The following H2BC5 variants were observed in gnomAD, a reference collection of about 807,000 sequenced individuals.
The protein encoded by H2BC5 is histone H2B type 1-D.
Under a neutral mutation model 5.7 loss-of-function variants are expected in H2BC5, and 9 were observed. The ratio of observed to expected loss-of-function variants is 1.57; its 90% CI spans 0.95 to 2.74. The LOEUF (loss-of-function observed/expected upper bound fraction) is 2.74. H2BC5 is among the 30% of genes most tolerant of loss of function. The pLI, the probability that H2BC5 is intolerant of heterozygous loss-of-function variation, is 0.00. For missense variants in H2BC5, 175 were observed against 168.8 expected (o/e 1.04, Z -0.20); for synonymous variants, 133 against 70.9 (o/e 1.88, Z -4.40).
downstream of H2BC5, chr6:26,160,884 C>T (rs1398817096): frequency 4.5e-5 from 6 of 133,628 alleles, no homozygotes; most frequent in Non-Finnish European, 9.7e-5. Context: ...AAAAAAAAAA[C>T]AGACTCGAAT....
downstream of H2BC5, chr6:26,160,868 CA>C (rs375947771): frequency 0.3 from 29,358 of 99,298 alleles, 2,969 homozygotes; most frequent in Middle Eastern, 0.32. Context: ...GACTCTGTCT[CA>C]AAAAAAAAAA....
At chr6:26,168,372 C>T (rs556556644) in intron 1 of H2BC5, among the ~76,000 whole-genome samples, 19 of 151,832 alleles carry the variant, frequency 1.3e-4, no homozygotes, top group Admixed American at 8.5e-4. Flanking sequence ...GTAGGAGAAT[C>T]GCTTGAACCC....
At chr6:26,167,775 C>T (rs1347417717) in intron 1 of H2BC5, among the ~76,000 whole-genome samples, 1 of 151,918 alleles carries the variant, frequency 6.6e-6, no homozygotes, top group Non-Finnish European at 1.5e-5. Context: ...GAACTCAGAG[C>T]TATTTCTCAT....
downstream of H2BC5, chr6:26,163,341 C>T (rs1473592718): frequency 2.0e-5 from 3 of 152,112 alleles, no homozygotes; most frequent in East Asian, 5.8e-4. Flanking sequence ...ATTATGGTAG[C>T]TCTATAAGCT....
At chr6:26,164,054 C>G (rs969806427) in intron 1 of H2BC5, 20 of 457,712 alleles carry the variant, frequency 4.4e-5, no homozygotes, top group African/African-American at 3.4e-4. Context: ...ATTCCAAAGC[C>G]AAAAATGTGG....
At chr6:26,162,627 C>T (rs1764369385), downstream of H2BC5, among the ~76,000 whole-genome samples, 1 of 152,134 alleles carries the variant, frequency 6.6e-6, no homozygotes, top group African/African-American at 2.4e-5. Context: ...CTGCAGCCTC[C>T]ACTTCCCAGC....
chr6:26,169,528 T>C (rs1764485173), intron 1 of H2BC5, among the ~76,000 whole-genome samples: 1 of 152,184 alleles, frequency 6.6e-6, no homozygotes, highest in South Asian at 2.1e-4. Context: ...TTTTAAAATT[T>C]CAAAATATTC....
At chr6:26,164,239 C>A in intron 1 of H2BC5, 1 of 353,062 alleles carries the variant, frequency 2.8e-6, no homozygotes, top group South Asian at 2.7e-5. Context: ...GACCTGCCAC[C>A]ATGATCAGCC....
At chr6:26,162,212 C>T (rs184070841), downstream of H2BC5, among the ~76,000 whole-genome samples, 2 of 152,166 alleles carry the variant, frequency 1.3e-5, no homozygotes, top group African/African-American at 4.8e-5. Context: ...TGGTTATTTA[C>T]ATGAATTTTG....
intron 1 of H2BC5, among the ~76,000 whole-genome samples, chr6:26,166,351 C>T (rs375293187): frequency 3.3e-5 from 5 of 152,324 alleles, no homozygotes; most frequent in African/African-American, 1.2e-4. Context: ...TGAGGCCTTT[C>T]CCTGCTCAGT....
At position 26,164,425 on chromosome 6, in the gene H2BC5, C is replaced by CA. The variant is rs1014401258; in HGVS notation, c.*9+5872dup. On this transcript the variant is annotated intron_variant, in intron 1 of 1. Coordinates refer to the H2BC5 transcript ENST00000289316. Reference sequence around the variant, plus strand: ...CCATGCCCAGTCCCAGGACAGGGAACAAAAAAGGACAAGCCTGGAGTTATT... The same window carrying CA: ...CCATGCCCAGTCCCAGGACAGGGAACAAAAAAAGGACAAGCCTGGAGTTATT... 4 of 197,642 alleles carry CA rather than the reference C, an allele frequency of 2.0e-5. No individual in the cohort carries two copies. In the East Asian group the frequency reaches 4.9e-4, roughly 24 times the overall value. 12.2% of individuals were successfully genotyped at this position (197,642 alleles called of 1,614,324 possible). A position where few individuals can be genotyped will look rare whatever the true frequency, so the allele number is the denominator to read the frequency against.
At chr6:26,160,834 A>C (rs1581433527), downstream of H2BC5, 1 of 145,762 alleles carries the variant, frequency 6.9e-6, no homozygotes, top group African/African-American at 2.6e-5. Context: ...GTGCCACTGC[A>C]CTCCACCCTG....
At chr6:26,160,686 G>A (rs1290094094), downstream of H2BC5, 3 of 151,498 alleles carry the variant, frequency 2.0e-5, no homozygotes, top group Non-Finnish European at 2.9e-5. Context: ...GGCCAACATA[G>A]TGAAACCCCG....
At chr6:26,160,261 A>G (rs191732925), downstream of H2BC5, among the ~76,000 whole-genome samples, 143 of 152,290 alleles carry the variant, frequency 9.4e-4, 1 homozygote, top group African/African-American at 2.4e-3. Context: ...GGTAGAAACA[A>G]ATACAAGTCA....
intron 1 of H2BC5, among the ~76,000 whole-genome samples, chr6:26,170,780 TA>T (rs1764504493): frequency 1.3e-5 from 2 of 152,294 alleles, no homozygotes; most frequent in Non-Finnish European, 2.9e-5. Flanking sequence ...AAGATCACAT[TA>T]TTCAGTGATA....
intron 1 of H2BC5, among the ~76,000 whole-genome samples, chr6:26,170,604 G>A (rs2113839728): frequency 6.6e-6 from 1 of 152,280 alleles, no homozygotes; most frequent in East Asian, 1.9e-4. Context: ...TGGACTTTTA[G>A]TAAGCACTTA....
chr6:26,163,335 T>C (rs1291513439), downstream of H2BC5: 1 of 152,184 alleles, frequency 6.6e-6, no homozygotes, highest in Non-Finnish European at 1.5e-5. Context: ...ATAAAAATTA[T>C]GGTAGCTCTA....
At chr6:26,162,267 CGACT>C (rs143459307), downstream of H2BC5, among the ~76,000 whole-genome samples, 268 of 152,154 alleles carry the variant, frequency 1.8e-3, 1 homozygote, top group East Asian at 0.012. Flanking sequence ...AATCAATAGT[CGACT>C]GACTTGATTT....
intron 1 of H2BC5, chr6:26,164,027 A>AT (rs1764385962): frequency 2.3e-6 from 1 of 436,582 alleles, no homozygotes; most frequent in African/African-American, 2.0e-5. Context: ...AAGAATAGTA[A>AT]AAGAACTTAT....
Sources: allele counts gnomAD v4.1 joint callset (sites outside exome capture counted in the v4.1 genomes callset), GRCh38; gene constraint gnomAD v4.1.1; transcripts MANE v1.5; gene names NCBI Gene and HGNC (gene_info 2026-07-23, HGNC 2026-07-21).